The following OGDH variants were observed in gnomAD, a reference collection of about 807,000 sequenced individuals.
OGDH encodes the protein oxoglutarate dehydrogenase.
OGDH carries 38 observed loss-of-function variants against 116.6 expected under a neutral mutation model. The ratio of observed to expected loss-of-function variants is 0.33; its 90% CI spans 0.25 to 0.43. The LOEUF (loss-of-function observed/expected upper bound fraction) is 0.43. Among genes scored for constraint, OGDH ranks in the 20% least tolerant of loss-of-function variants. OGDH has a pLI of 1.00. For missense variants in OGDH, 825 were observed against 1,357.2 expected (o/e 0.61, Z 6.16); for synonymous variants, 488 against 533.3 (o/e 0.92, Z 1.17).
At chr7:44,676,398 A>C in intron 9 of OGDH, 1 of 750,040 alleles carries the variant, frequency 1.3e-6, no homozygotes, top group Non-Finnish European at 2.0e-6. Flanking sequence ...TCTACTAAAA[A>C]TACAAAATTA....
intron 3 of OGDH, 106 bp from the exon 4 acceptor site, chr7:44,647,551 A>C (rs1462894524): frequency 1.3e-6 from 2 of 1,551,370 alleles, no homozygotes; most frequent in Non-Finnish European, 1.7e-6. Flanking sequence ...ATTAAGCTGT[A>C]AATGCTAATT....
intron 4 of OGDH, among the ~76,000 whole-genome samples, chr7:44,650,045 TG>T (rs899702401): frequency 1.3e-5 from 2 of 152,204 alleles, no homozygotes; most frequent in Non-Finnish European, 2.9e-5. Flanking sequence ...AGGAGCCCTT[TG>T]GAACCACTGA....
At chr7:44,626,634 C>G (rs1191069910) in intron 2 of OGDH, among the ~76,000 whole-genome samples, 1 of 152,226 alleles carries the variant, frequency 6.6e-6, no homozygotes, top group African/African-American at 2.4e-5. Flanking sequence ...AAGGTGCACT[C>G]TGTGAGCAGT....
At chr7:44,661,566 T>TA (rs568683579) in intron 4 of OGDH, among the ~76,000 whole-genome samples, 64 of 152,246 alleles carry the variant, frequency 4.2e-4, no homozygotes, top group Non-Finnish European at 7.8e-4. Context: ...AACCCACATT[T>TA]AAAAATTTTT....
chr7:44,632,164 G>C (rs2115580441), intron 2 of OGDH, among the ~76,000 whole-genome samples: 1 of 152,328 alleles, frequency 6.6e-6, no homozygotes, highest in East Asian at 1.9e-4. Context: ...AGGAGAGCAA[G>C]TTTGAGGATG....
intron 4 of OGDH, among the ~76,000 whole-genome samples, chr7:44,660,769 A>G (rs561961114): frequency 1.3e-5 from 2 of 152,106 alleles, no homozygotes; most frequent in Non-Finnish European, 2.9e-5. Context: ...CACCACCACC[A>G]ACAACAAAAT....
At chr7:44,658,568 C>G (rs1394254255) in intron 4 of OGDH, among the ~76,000 whole-genome samples, 2 of 150,538 alleles carry the variant, frequency 1.3e-5, no homozygotes, top group Non-Finnish European at 2.9e-5. Context: ...CCTTTTCTTG[C>G]CTTATTACAG....
rs1789192321 is a variant in OGDH at position 44,708,643 on chromosome 7, A to G, written c.*644A>G. The G allele has an allele frequency of 6.6e-6, 1 of 152,208 alleles. No homozygotes were observed. Among genetic ancestry groups the G allele is most frequent in the African/African-American group, 2.4e-5 (1 of 41,436 alleles). 9.4% of individuals were successfully genotyped at this position (152,208 alleles called of 1,614,324 possible). On this transcript the variant is annotated 3_prime_UTR_variant, in exon 23 of 23. Coordinates refer to ENST00000222673, the MANE Select transcript of OGDH (RefSeq NM_002541.4). Reference sequence around the variant, plus strand: ...TCCAGGCTGTGTGTGGGGCCCAAGCATGCCCCACCCACCCCTCCTGGGCCC... The same window carrying G: ...TCCAGGCTGTGTGTGGGGCCCAAGCGTGCCCCACCCACCCCTCCTGGGCCC...
chr7:44,678,326 G>T (rs913737668), intron 9 of OGDH, among the ~76,000 whole-genome samples: 7 of 152,160 alleles, frequency 4.6e-5, no homozygotes, highest in Admixed American at 4.6e-4. Flanking sequence ...CTGAGTAGTG[G>T]AATGAGATTA....
intron 2 of OGDH, among the ~76,000 whole-genome samples, chr7:44,636,258 G>A (rs1785665885): frequency 1.3e-5 from 2 of 152,354 alleles, no homozygotes; most frequent in South Asian, 2.1e-4. Context: ...ACTGCTGGGG[G>A]AAGGGATGTC....
intron 20 of OGDH, among the ~76,000 whole-genome samples, chr7:44,706,924 G>A (rs960494545): frequency 3.2e-4 from 49 of 152,102 alleles, no homozygotes; most frequent in Non-Finnish European, 5.9e-5. Context: ...GCACCCGGCC[G>A]GGATGTTTTA....
At chr7:44,633,252 CAAAAA>C (rs1163808681) in intron 2 of OGDH, among the ~76,000 whole-genome samples, 37 of 81,682 alleles carry the variant, frequency 4.5e-4, no homozygotes, top group Admixed American at 3.3e-3. Context: ...GACTCTGTGT[CAAAAA>C]AAAAAAAAAA....
chr7:44,645,509 G>T lies in OGDH; in HGVS notation c.405G>T (p.Arg135Ser). ...ACCTGGCAGTGCAGTCGCTCATCAG[G>T]GCATATCAGGTAAGGCGGGTGCTTT... is the stretch of plus-strand genomic sequence containing the variant. ...EDHLAVQSLI[R>S]AYQIRGHHVA... The change falls in exon 3 of 23, where the codon AGG (arginine) becomes AGT (serine). Residue 135 changes from arginine to serine, a missense_variant. Transcript: ENST00000222673. 6.2e-7 allele frequency: 1 copy of T among 1,614,106 alleles called. No individual in the cohort carries two copies. Among genetic ancestry groups the T allele is most frequent in the Non-Finnish European group, 8.5e-7 (1 of 1,179,990 alleles).
intron 9 of OGDH, chr7:44,676,610 G>GTATATATATATATATATATA (rs1471345029): frequency 7.1e-6 from 1 of 140,794 alleles, no homozygotes; most frequent in African/African-American, 3.0e-5. Flanking sequence ...ATGTGTGTGT[G>GTATATATATATATATATATA]TGTGTATATA....
intron 10 of OGDH, among the ~76,000 whole-genome samples, chr7:44,691,811 C>T (rs1384428222): frequency 1.3e-5 from 2 of 149,266 alleles, no homozygotes; most frequent in Non-Finnish European, 3.0e-5. Flanking sequence ...CCCATCTCTA[C>T]TAAAAAAAAA....
chr7:44,698,043 C>A, intron 17 of OGDH, 149 bp from the exon 18 acceptor site: 1 of 945,146 alleles, frequency 1.1e-6, no homozygotes, highest in South Asian at 1.6e-5. Context: ...GAGCCAAGTG[C>A]TTTGCTGGTG....
At chr7:44,619,129 C>T (rs765969763) in intron 1 of OGDH, among the ~76,000 whole-genome samples, 1 of 152,106 alleles carries the variant, frequency 6.6e-6, no homozygotes, top group Non-Finnish European at 1.5e-5. Context: ...GCCTCCTTAC[C>T]CCATCCTACA....
intron 10 of OGDH, among the ~76,000 whole-genome samples, chr7:44,683,426 T>G (rs1788012125): frequency 6.6e-6 from 1 of 152,026 alleles, no homozygotes; most frequent in African/African-American, 2.4e-5. Context: ...AGGCGGGATG[T>G]CACTCTGTTA....
chr7:44,619,124 C>G (rs919333199), intron 1 of OGDH, among the ~76,000 whole-genome samples: 1 of 152,152 alleles, frequency 6.6e-6, no homozygotes, highest in Non-Finnish European at 1.5e-5. Flanking sequence ...TGGAAGCCTC[C>G]TTACCCCATC....
Sources: gnomAD v4.1 joint callset for allele counts (sites outside exome capture counted in the v4.1 genomes callset) on GRCh38, gnomAD v4.1.1 for gene constraint, MANE v1.5 for transcripts, NCBI Gene and HGNC (gene_info 2026-07-23, HGNC 2026-07-21) for gene names.